The following SOX6 variants were observed in gnomAD, a reference collection of about 807,000 sequenced individuals.
SOX6 encodes transcription factor SOX-6.
Under a neutral mutation model 97.8 loss-of-function variants are expected in SOX6, and 11 were observed. The ratio of observed to expected loss-of-function variants is 0.11; its 90% CI spans 0.07 to 0.19. The LOEUF (loss-of-function observed/expected upper bound fraction) is 0.19. Ranked by LOEUF, SOX6 falls within the 10% of genes least tolerant of loss-of-function variation. The pLI, the probability that SOX6 is intolerant of heterozygous loss-of-function variation, is 1.00. For synonymous variants in SOX6, 360 were observed against 371.4 expected (o/e 0.97, Z 0.35); for missense variants, 810 against 1,039.5 (o/e 0.78, Z 3.04).
chr11:16,645,372 C>T (rs1249222295), intron 3 of SOX6, among the ~76,000 whole-genome samples: 1 of 152,082 alleles, frequency 6.6e-6, no homozygotes, highest in East Asian at 1.9e-4. Context: ...TCTTGGTCAC[C>T]ACATATTTCG....
In SOX6 at chr11:15,986,181, T is replaced by C. The variant is rs765018353; in HGVS notation, c.2183+23A>G. ...ACTTACCGCAAAAGTAAAGCCCAGG[T>C]GGCTAAATTCAGGAATACTTACCCC... is the stretch of plus-strand genomic sequence containing the variant. On this transcript the variant is annotated intron_variant, in intron 15 of 15. Coordinates refer to ENST00000683767, the MANE Select transcript of SOX6 (RefSeq NM_001367873.1). 8 of 1,608,286 alleles carry C rather than the reference T, an allele frequency of 5.0e-6. No homozygotes were observed. The East Asian group carries it at 6.7e-5, about 13-fold the overall frequency.
chr11:16,574,594 T>A (rs971721060), intron 4 of SOX6, among the ~76,000 whole-genome samples: 2 of 151,784 alleles, frequency 1.3e-5, no homozygotes, highest in African/African-American at 2.4e-5. Flanking sequence ...AAAGAAAAGA[T>A]CAATAACTAT....
chr11:16,407,281 T>C (rs1250096898), intron 1 of SOX6, among the ~76,000 whole-genome samples: 3 of 152,114 alleles, frequency 2.0e-5, no homozygotes, highest in African/African-American at 7.2e-5. Context: ...AAAAATTCTT[T>C]TGAAGTCCAA....
chr11:16,283,197 T>A (rs1490445499), intron 3 of SOX6, among the ~76,000 whole-genome samples: 1 of 148,482 alleles, frequency 6.7e-6, no homozygotes, highest in Non-Finnish European at 1.5e-5. Context: ...TGAATGGCAA[T>A]ATCCAAACCA....
At position 16,371,841 on chromosome 11, in the gene SOX6, C is replaced by T. The variant is rs150889943; in HGVS notation, c.-4-30589G>A. 1.6e-3 allele frequency among the ~76,000 whole-genome samples: 248 copies of T among 152,138 alleles called. 2 individuals carry two copies. The highest frequency in any genetic ancestry group is 5.8e-3 in the African/African-American group (242 of 41,514). On this transcript the variant is annotated intron_variant, in intron 1 of 15. Coordinates refer to the SOX6 transcript ENST00000396356. ...GAATTTTCTACTTCTGGCATCATAT[C>T]GGCACTCAAAACATTTTAGATTTTG...
At chr11:16,177,282 A>C (rs904425924) in intron 6 of SOX6, among the ~76,000 whole-genome samples, 3 of 151,918 alleles carry the variant, frequency 2.0e-5, no homozygotes, top group Non-Finnish European at 2.9e-5. Flanking sequence ...TTCGAGTTTA[A>C]CATTCTGTGA....
chr11:16,705,666 T>C (rs746783275), intron 3 of SOX6, among the ~76,000 whole-genome samples: 1 of 152,102 alleles, frequency 6.6e-6, no homozygotes, highest in Non-Finnish European at 1.5e-5. Flanking sequence ...ATACAATGTA[T>C]AAAGATTTAA....
chr11:16,051,242 G>T (rs576853742), intron 10 of SOX6, among the ~76,000 whole-genome samples: 1 of 152,068 alleles, frequency 6.6e-6, no homozygotes, highest in Non-Finnish European at 1.5e-5. Context: ...TCATTTAACC[G>T]TCAATGACTA....
chr11:16,730,693 A>C (rs1247713951), intron 2 of SOX6, among the ~76,000 whole-genome samples: 1 of 152,168 alleles, frequency 6.6e-6, no homozygotes, highest in African/African-American at 2.4e-5. Context: ...GAACTAGAGA[A>C]GCAAAAGCAA....
At position 16,399,128 on chromosome 11, in the gene SOX6, T is replaced by C. The variant is rs567649137; in HGVS notation, c.-4-57876A>G. ...TCTCTTAACTTTTCTGTGCTTCAGTTCCTCATCTGTAAAATGAATATAATA... is the reference window on the plus strand; with the variant it reads ...TCTCTTAACTTTTCTGTGCTTCAGTCCCTCATCTGTAAAATGAATATAATA... On this transcript the variant is annotated intron_variant, in intron 1 of 15. Transcript: ENST00000396356. Among the ~76,000 whole-genome samples, 48 of 151,414 alleles carry C rather than the reference T, an allele frequency of 3.2e-4. No homozygotes were observed. In the South Asian group the frequency reaches 8.9e-3, roughly 28 times the overall value.
chr11:16,444,011 C>CAAAA (rs11448266), intron 1 of SOX6, among the ~76,000 whole-genome samples: 5 of 115,412 alleles, frequency 4.3e-5, no homozygotes, highest in Non-Finnish European at 5.1e-5. Context: ...GACTCTGTCT[C>CAAAA]AAAAAAAAAA....
intron 2 of SOX6, among the ~76,000 whole-genome samples, chr11:16,715,959 C>T (rs1368195028): frequency 6.6e-6 from 1 of 152,150 alleles, no homozygotes; most frequent in Non-Finnish European, 1.5e-5. Context: ...AGAGGCCAGA[C>T]ACGGTGATTC....
chr11:16,220,753 GGTT>G (rs536830687), intron 4 of SOX6, among the ~76,000 whole-genome samples: 6 of 152,034 alleles, frequency 3.9e-5, no homozygotes, highest in African/African-American at 7.2e-5. Context: ...TGAAATGCAT[GGTT>G]GTTGTTGTTG....
At chr11:16,204,329 A>C (rs1852015511) in intron 4 of SOX6, among the ~76,000 whole-genome samples, 1 of 152,146 alleles carries the variant, frequency 6.6e-6, no homozygotes, top group Non-Finnish European at 1.5e-5. Context: ...TTAGTACTAA[A>C]GCAACAGTGT....
In SOX6 at chr11:16,049,878, T is replaced by C. The variant is rs1477702858; in HGVS notation, c.1312A>G (p.Lys438Glu). The C allele has an allele frequency of 6.2e-7, 1 of 1,613,628 alleles. No individual in the cohort carries two copies. Among genetic ancestry groups the C allele is most frequent in the Non-Finnish European group, 8.5e-7 (1 of 1,179,760 alleles). ...SSRPKTAEPV[K>E]SPTSPTQNLF... ...TTCTGGGTGGGAGACGTTGGGGACT[T>C]TACAGGCTCTGCTGTCTTGGGTCGG... Residue 438 changes from lysine to glutamate, a missense_variant, in exon 11 of 16, where the codon AAG becomes GAG. Physicochemically the swap from Lys to Glu is moderately conservative, Grantham distance 56. This residue lies in a region of SOX6 where 244 missense variants were observed against 261.0 expected (regional missense o/e 0.93). Transcript: ENST00000683767.
chr11:16,281,385 T>C (rs745900880), intron 3 of SOX6, among the ~76,000 whole-genome samples: 2 of 152,006 alleles, frequency 1.3e-5, no homozygotes, highest in South Asian at 2.1e-4. Flanking sequence ...GAAAGACACA[T>C]GAATTACCAT....
chr11:16,110,787 T>C (rs1312131143), intron 7 of SOX6, among the ~76,000 whole-genome samples: 3 of 152,228 alleles, frequency 2.0e-5, no homozygotes, highest in Admixed American at 2.0e-4. Flanking sequence ...TTTATGCTAT[T>C]TAATAAGCTT....
chr11:16,372,200 A>G (rs189481055), intron 1 of SOX6, among the ~76,000 whole-genome samples: 8 of 152,220 alleles, frequency 5.3e-5, no homozygotes, highest in Admixed American at 1.3e-4. Context: ...CTGAAAGTAT[A>G]GACTGTGAAA....
intron 4 of SOX6, among the ~76,000 whole-genome samples, chr11:16,521,652 G>C (rs143535184): frequency 9.3e-4 from 141 of 152,102 alleles, no homozygotes; most frequent in Middle Eastern, 3.4e-3. Flanking sequence ...GACGAGTTAA[G>C]AGAAGGCTTC....
Sources: gnomAD v4.1 joint callset for allele counts (sites outside exome capture counted in the v4.1 genomes callset) on GRCh38, gnomAD v4.1.1 for gene constraint, gnomAD v4.1.1 regional missense constraint, MANE v1.5 for transcripts, NCBI Gene and HGNC (gene_info 2026-07-23, HGNC 2026-07-21) for gene names.